The following RBPMS variants were observed in gnomAD, a reference collection of about 807,000 sequenced individuals.
RBPMS encodes the protein RNA-binding protein with multiple splicing.
A neutral mutation model predicts 26.8 loss-of-function variants in RBPMS; 7 were observed. The ratio of observed to expected loss-of-function variants is 0.26; its 90% CI spans 0.15 to 0.49. The LOEUF is 0.49. Ranked by LOEUF, RBPMS falls within the 20% of genes least tolerant of loss-of-function variation. The probability of loss-of-function intolerance (pLI) is 0.98; values close to 1 mark genes in which losing one functional copy is unlikely to be tolerated. For missense variants in RBPMS, 186 were observed against 250.0 expected (o/e 0.74, Z 1.73); for synonymous variants, 96 against 93.3 (o/e 1.03, Z -0.17).
chr8:30,547,826 G>A (rs1825992730), intron 6 of RBPMS, among the ~76,000 whole-genome samples: 1 of 152,148 alleles, frequency 6.6e-6, no homozygotes, highest in African/African-American at 2.4e-5. Context: ...AAACGTGTGG[G>A]TGCAGTGTGC....
At chr8:30,554,433 C>A (rs1010586752) in intron 6 of RBPMS, among the ~76,000 whole-genome samples, 1 of 152,176 alleles carries the variant, frequency 6.6e-6, no homozygotes, top group Non-Finnish European at 1.5e-5. Context: ...AAACAGGTTT[C>A]TTTATTTTGG....
At chr8:30,559,477 T>C (rs556996746) in intron 7 of RBPMS, among the ~76,000 whole-genome samples, 1 of 152,258 alleles carries the variant, frequency 6.6e-6, no homozygotes. Flanking sequence ...GTTTTCATCA[T>C]GAAGGAAGCA....
intron 1 of RBPMS, among the ~76,000 whole-genome samples, chr8:30,462,470 C>T (rs934695925): frequency 2.0e-5 from 3 of 151,980 alleles, no homozygotes; most frequent in African/African-American, 7.3e-5. Flanking sequence ...GTCACCCAGG[C>T]TAGAGTGTAA....
chr8:30,415,584 A>G (rs937903696), intron 1 of RBPMS, among the ~76,000 whole-genome samples: 5 of 152,294 alleles, frequency 3.3e-5, no homozygotes, highest in South Asian at 2.1e-4. Context: ...TGGATAATCA[A>G]TTATCAGATA....
chr8:30,542,017 CTT>C (rs1314170586), intron 5 of RBPMS, among the ~76,000 whole-genome samples: 2 of 152,176 alleles, frequency 1.3e-5, no homozygotes, highest in African/African-American at 4.8e-5. Context: ...GACCACGTAT[CTT>C]TTGATGTTTA....
rs1563393550 is a variant in RBPMS, at chr8:30,511,551, A to ATAGATATATATATTTGTGTATATATG, written c.397+7116_397+7117insAGATATATATATTTGTGTATATATGT. On this transcript the variant is annotated intron_variant, in intron 5 of 8. Coordinates refer to ENST00000397323, the MANE Select transcript of RBPMS (RefSeq NM_001008710.3). Reference sequence around the variant, plus strand: ...TTTCTGTGTGTGTGTGTGTGTGTGTATGTATAGATATATATATTTGTGTAT... The same window carrying ATAGATATATATATTTGTGTATATATG: ...TTTCTGTGTGTGTGTGTGTGTGTGTATAGATATATATATTTGTGTATATATGTGTATAGATATATATATTTGTGTAT... Among the ~76,000 whole-genome samples, 18 of 77,476 alleles carry ATAGATATATATATTTGTGTATATATG rather than the reference A, an allele frequency of 2.3e-4. 1 individual carries two copies. Among genetic ancestry groups the ATAGATATATATATTTGTGTATATATG allele is most frequent in the African/African-American group, 6.6e-4 (17 of 25,672 alleles). 50.8% of individuals were successfully genotyped at this position (77,476 alleles called of 152,430 possible).
chr8:30,458,160 G>A (rs553714670), intron 1 of RBPMS, among the ~76,000 whole-genome samples: 1 of 152,218 alleles, frequency 6.6e-6, no homozygotes, highest in Non-Finnish European at 1.5e-5. Context: ...AATGTTTAGG[G>A]AATGATGACC....
At chr8:30,437,538 C>G (rs1357535753) in intron 1 of RBPMS, among the ~76,000 whole-genome samples, 2 of 152,022 alleles carry the variant, frequency 1.3e-5, no homozygotes, top group Non-Finnish European at 2.9e-5. Context: ...TGCCTGTAAT[C>G]CCAGCACTTC....
At position 30,466,419 on chromosome 8, in the gene RBPMS, A is replaced by AC. The variant is rs146242460; in HGVS notation, c.67-8358dup. ...AGATTAATTGGATGTTGTGGCACAC[A>AC]CCTTTAGTCCTAGCTACTTGGTTGG... On this transcript the variant is annotated intron_variant, in intron 1 of 8. Coordinates refer to ENST00000397323, the MANE Select transcript of RBPMS (RefSeq NM_001008710.3). 5.8e-3 allele frequency among the ~76,000 whole-genome samples: 878 copies of AC among 152,104 alleles called. 12 individuals are homozygous for AC. The highest frequency in any genetic ancestry group is 0.021 in the African/African-American group (853 of 41,510).
intron 5 of RBPMS, among the ~76,000 whole-genome samples, chr8:30,511,485 AAATATATATATATATATATATATATAT>A (rs1295517927): frequency 6.5e-4 from 4 of 6,134 alleles, no homozygotes; most frequent in African/African-American, 1.4e-3. Context: ...AAAAAAAAAA[AAATATATATATATATATATATATATAT>A]ATATATATAT....
At chr8:30,563,530 T>C (rs1585901106) in intron 7 of RBPMS, among the ~76,000 whole-genome samples, 1 of 152,188 alleles carries the variant, frequency 6.6e-6, no homozygotes, top group Non-Finnish European at 1.5e-5. Flanking sequence ...TTCAGGACTC[T>C]TGAAATTTTC....
At chr8:30,477,625 AG>A (rs398112362) in intron 2 of RBPMS, among the ~76,000 whole-genome samples, 173 bp from the exon 3 acceptor site, 4 of 2,260 alleles carry the variant, frequency 1.8e-3, no homozygotes, top group Non-Finnish European at 5.0e-3. Context: ...GAATGCAAAC[AG>A]GTGTGTGTGT....
At chr8:30,440,217 C>CTG (rs1418091707) in intron 1 of RBPMS, among the ~76,000 whole-genome samples, 6 of 152,194 alleles carry the variant, frequency 3.9e-5, no homozygotes, top group Non-Finnish European at 7.3e-5. Context: ...GTGTGAGCCA[C>CTG]TGTGCTGAGC....
intron 6 of RBPMS, among the ~76,000 whole-genome samples, chr8:30,551,115 A>C (rs1264448197): frequency 6.6e-6 from 1 of 152,160 alleles, no homozygotes; most frequent in East Asian, 1.9e-4. Flanking sequence ...AAACCCGAGA[A>C]TCTGCCCCCG....
intron 1 of RBPMS, among the ~76,000 whole-genome samples, chr8:30,392,009 T>C (rs1294422368): frequency 2.0e-5 from 3 of 152,038 alleles, no homozygotes; most frequent in Admixed American, 1.3e-4. Context: ...TGAAAAGCTA[T>C]GGAGCCAGGG....
intron 3 of RBPMS, 87 bp downstream of exon 3, chr8:30,477,924 A>G: frequency 1.1e-6 from 1 of 944,886 alleles, no homozygotes; most frequent in Non-Finnish European, 1.7e-6. Context: ...TTTTATTCCC[A>G]TTAGAATTTG....
At chr8:30,551,085 C>T (rs1826326674) in intron 6 of RBPMS, among the ~76,000 whole-genome samples, 1 of 152,208 alleles carries the variant, frequency 6.6e-6, no homozygotes, top group South Asian at 2.1e-4. Context: ...GGATATTGCT[C>T]TCTTCACAGT....
chr8:30,549,805 C>CCTCTCT (rs71206263), intron 6 of RBPMS, among the ~76,000 whole-genome samples: 29 of 110,694 alleles, frequency 2.6e-4, no homozygotes, highest in African/African-American at 9.9e-4. Flanking sequence ...TCCCCTCTCT[C>CCTCTCT]CTCTCTCTCT....
chr8:30,457,583 CTTTTT>C (rs77253053), intron 1 of RBPMS, among the ~76,000 whole-genome samples: 25 of 132,868 alleles, frequency 1.9e-4, no homozygotes, highest in African/African-American at 4.8e-4. Context: ...GATTTACATT[CTTTTT>C]TTTTTTTTTT....
Sources: gnomAD v4.1 joint callset for allele counts (sites outside exome capture counted in the v4.1 genomes callset) on GRCh38, gnomAD v4.1.1 for gene constraint, MANE v1.5 for transcripts, NCBI Gene and HGNC (gene_info 2026-07-23, HGNC 2026-07-21) for gene names.